Variants in ANGEL2 observed in about 807,000 individuals in gnomAD.
ANGEL2 encodes the protein RNA 2',3'-cyclic phosphatase ANGEL2.
A neutral mutation model predicts 66.0 loss-of-function variants in ANGEL2; 41 were observed. The observed-to-expected ratio is 0.62, with a 90% CI of 0.48 to 0.81. The LOEUF (loss-of-function observed/expected upper bound fraction) is 0.81. Among genes scored for constraint, ANGEL2 ranks in the 30% least tolerant of loss-of-function variants. The pLI, the probability that ANGEL2 is intolerant of heterozygous loss-of-function variation, is 0.00. For synonymous variants in ANGEL2, 208 were observed against 226.5 expected (o/e 0.92, Z 0.73); for missense variants, 561 against 641.6 (o/e 0.87, Z 1.36).
chr1:213,006,657 C>G (rs2076337185), intron 4 of ANGEL2: 1 of 153,068 alleles, frequency 6.5e-6, no homozygotes, highest in Non-Finnish European at 1.5e-5. Context: ...TCCTGGAGCT[C>G]AGAAGCTTAT....
chr1:213,013,478 A>G (rs2076560844), intron 1 of ANGEL2, 60 bp from the exon 2 acceptor site: 1 of 1,441,170 alleles, frequency 6.9e-7, no homozygotes, highest in Non-Finnish European at 9.4e-7. Context: ...AGTTTACAAA[A>G]TCTAAGCCTG....
chr1:212,995,744 T>C (rs1341910830), intron 8 of ANGEL2, among the ~76,000 whole-genome samples: 1 of 152,184 alleles, frequency 6.6e-6, no homozygotes, highest in Non-Finnish European at 1.5e-5. Flanking sequence ...GGCATATTTT[T>C]TGTAGAGTAG....
Position 212,994,830 on chromosome 1 carries a change from T to C in ANGEL2, c.*211A>G. The C allele has an allele frequency of 2.8e-6, 1 of 352,842 alleles. No individual in the cohort carries two copies. Among genetic ancestry groups the C allele is most frequent in the Non-Finnish European group, 5.0e-6 (1 of 201,256 alleles). 21.9% of individuals were successfully genotyped at this position (352,842 alleles called of 1,614,324 possible). On this transcript the variant is annotated 3_prime_UTR_variant, in exon 9 of 9. Transcript: ENST00000366962. ...TACATCTCTTTTACAATAAAGAGAA[T>C]TTAGAGCTCACTTGTCACGAAAATA...
At chr1:213,014,424 T>C (rs981989439) in intron 1 of ANGEL2, among the ~76,000 whole-genome samples, 2 of 152,244 alleles carry the variant, frequency 1.3e-5, no homozygotes, top group African/African-American at 4.8e-5. Context: ...TTTTACAGTT[T>C]AAGTATTCGC....
Position 213,008,205 on chromosome 1 carries a change from C to T in ANGEL2, c.642+5G>A. 1 of 1,611,658 alleles carries T rather than the reference C, an allele frequency of 6.2e-7. No homozygotes were observed. The highest frequency in any genetic ancestry group is 1.1e-5 in the South Asian group (1 of 90,736). On this transcript the variant is annotated splice_donor_5th_base_variant and intron_variant, in intron 3 of 8. Transcript: ENST00000366962. ...TGAAGAATTTCAATAATATTTTGCA[C>T]TTACGTCTGCATCAAAATGTTTAAT...
intron 1 of ANGEL2, chr1:213,015,104 A>C (rs1261833469): frequency 1.0e-6 from 1 of 986,066 alleles, no homozygotes. Flanking sequence ...TGGCCATAAC[A>C]GTAAGGGATG....
chr1:213,015,277 G>A (rs564063326), intron 1 of ANGEL2: 1 of 1,174,368 alleles, frequency 8.5e-7, no homozygotes, highest in Non-Finnish European at 1.1e-6. Flanking sequence ...CGGTGCTGCG[G>A]AGTGTGTGGA....
Position 212,993,038 on chromosome 1 carries a change from G to A in ANGEL2, c.*2003C>T, listed in dbSNP as rs2075895766. On this transcript the variant is annotated 3_prime_UTR_variant, in exon 9 of 9. Coordinates refer to ENST00000366962, the MANE Select transcript of ANGEL2 (RefSeq NM_144567.5). ...AATCCCCCCAAAGGCCAGGCATGGT[G>A]GCTCATGCCTGTAATCACAGCACTT... The A allele has an allele frequency of 6.6e-6, 1 of 152,216 alleles. No homozygotes were observed. Among genetic ancestry groups the A allele is most frequent in the Non-Finnish European group, 1.5e-5 (1 of 68,044 alleles). 9.4% of individuals were successfully genotyped at this position (152,216 alleles called of 1,614,324 possible). A position where few individuals can be genotyped will look rare whatever the true frequency, so the allele number is the denominator to read the frequency against.
At chr1:213,001,240 T>G in intron 5 of ANGEL2, 2 of 262,980 alleles carry the variant, frequency 7.6e-6, no homozygotes, top group Non-Finnish European at 1.5e-5. Flanking sequence ...AATATAGGCA[T>G]GCTCACAGGT....
chr1:213,015,344 C>T (rs1558196681), intron 1 of ANGEL2: 1 of 1,383,602 alleles, frequency 7.2e-7, no homozygotes, highest in Non-Finnish European at 9.3e-7. Context: ...GGATCCAAAG[C>T]CACTGGCACA....
At chr1:213,009,351 C>T (rs1267615875) in intron 2 of ANGEL2, among the ~76,000 whole-genome samples, 1 of 152,038 alleles carries the variant, frequency 6.6e-6, no homozygotes, top group Non-Finnish European at 1.5e-5. Flanking sequence ...CCATGGAAAC[C>T]ATGAAGAGAA....
At chr1:213,006,895 A>C (rs2076345330) in intron 4 of ANGEL2, 1 of 401,514 alleles carries the variant, frequency 2.5e-6, no homozygotes. Flanking sequence ...TTCAAAAGTA[A>C]ATTTGGCTAA....
In ANGEL2 at chr1:213,000,874, A is replaced by G; in HGVS notation, c.1173T>C (p.Ile391=). ...GQEQSSRGQR[I]LSIPIWPPNL... ...TTGGGGGCCAAATTGGAATAGATAA[A>G]ATTCTTTGTCCCCGTGAAGACTGTT... Residue 391 remains isoleucine, a synonymous_variant, in exon 6 of 9, where the codon ATT becomes ATC. Coordinates refer to ENST00000366962, the MANE Select transcript of ANGEL2 (RefSeq NM_144567.5). 1 of 1,612,846 alleles carries G rather than the reference A, an allele frequency of 6.2e-7. No homozygotes were observed. Among genetic ancestry groups the G allele is most frequent in the Non-Finnish European group, 8.5e-7 (1 of 1,179,820 alleles).
rs868204117 is a variant in ANGEL2 at position 213,013,238 on chromosome 1, TG to T, written c.239del (p.Pro80HisfsTer21). On this transcript the variant is annotated frameshift_variant, in exon 2 of 9. Coordinates refer to ENST00000366962, the MANE Select transcript of ANGEL2 (RefSeq NM_144567.5). LOFTEE classifies it high-confidence loss of function. The part of the protein sequence containing the change: ...SSRHFSLNWR[P>X]PCLFESRTQF... ...GAGTTCTAGACTCAAACAAACAGGG[TG>T]GTCTCCAATTTAGTGAAAAATGCCT... The T allele has an allele frequency of 6.2e-7, 1 of 1,614,152 alleles. No individual in the cohort carries two copies. The highest frequency in any genetic ancestry group is 8.5e-7 in the Non-Finnish European group (1 of 1,180,022).
intron 8 of ANGEL2, among the ~76,000 whole-genome samples, chr1:212,996,274 T>G (rs993834079): frequency 1.3e-5 from 2 of 152,054 alleles, no homozygotes; most frequent in Non-Finnish European, 2.9e-5. Context: ...GCCACTGCAC[T>G]CCAGCCTGGG....
chr1:213,004,713 C>CA (rs1553285247), intron 5 of ANGEL2, among the ~76,000 whole-genome samples: 3 of 151,550 alleles, frequency 2.0e-5, no homozygotes, highest in Non-Finnish European at 4.4e-5. Context: ...ACTAAAAATA[C>CA]AAAAATTAGC....
chr1:213,004,007 C>G (rs1395256909), intron 5 of ANGEL2, among the ~76,000 whole-genome samples: 1 of 151,802 alleles, frequency 6.6e-6, no homozygotes, highest in Non-Finnish European at 1.5e-5. Flanking sequence ...AGTTAGAGAC[C>G]ATCCTGGCTA....
intron 2 of ANGEL2, chr1:213,011,237 C>T: frequency 7.8e-7 from 1 of 1,289,338 alleles, no homozygotes; most frequent in South Asian, 1.2e-5. Flanking sequence ...AAGGTGATCA[C>T]AGCAGAGAAG....
At chr1:213,000,934 A>T (rs1330651284) in intron 5 of ANGEL2, 22 bp from the exon 6 acceptor site, 1 of 1,600,108 alleles carries the variant, frequency 6.2e-7, no homozygotes, top group African/African-American at 1.4e-5. Context: ...TTCAACAGGT[A>T]TCTTAAGTGA....
Sources: gnomAD v4.1 joint callset for allele counts (sites outside exome capture counted in the v4.1 genomes callset) on GRCh38, gnomAD v4.1.1 for gene constraint, MANE v1.5 for transcripts, NCBI Gene and HGNC (gene_info 2026-07-23, HGNC 2026-07-21) for gene names.